CFDP1: variants seen among roughly 807,000 people sequenced by gnomAD.
CFDP1 encodes the protein chromatin remodeling protein CFDP1.
CFDP1 carries 31 observed loss-of-function variants against 40.1 expected under a neutral mutation model. The ratio of observed to expected loss-of-function variants is 0.77; its 90% CI spans 0.58 to 1.04. The LOEUF (loss-of-function observed/expected upper bound fraction) is 1.04. Among genes scored for constraint, CFDP1 ranks in the 50% least tolerant of loss-of-function variants. The probability of loss-of-function intolerance (pLI) is 0.00; values close to 1 mark genes in which losing one functional copy is unlikely to be tolerated. For missense variants in CFDP1, 423 were observed against 343.4 expected, an observed-to-expected ratio of 1.23 and a Z score of -1.83; for synonymous variants, 167 against 120.0, an observed-to-expected ratio of 1.39 and a Z score of -2.56.
intron 2 of CFDP1, among the ~76,000 whole-genome samples, chr16:75,413,403 T>C (rs1001671714): frequency 1.3e-5 from 2 of 151,862 alleles, no homozygotes; most frequent in Non-Finnish European, 2.9e-5. Flanking sequence ...CACAACAAGA[T>C]GAGAAAATTA....
chr16:75,380,824 G>A (rs994647457), intron 5 of CFDP1, among the ~76,000 whole-genome samples: 1 of 152,108 alleles, frequency 6.6e-6, no homozygotes, highest in African/African-American at 2.4e-5. Flanking sequence ...TTAAAACCAG[G>A]TCATATAAGA....
At chr16:75,389,374 C>T (rs569076018) in intron 5 of CFDP1, among the ~76,000 whole-genome samples, 1 of 152,318 alleles carries the variant, frequency 6.6e-6, no homozygotes, top group East Asian at 1.9e-4. Context: ...ATTCCTGCCT[C>T]TAATTAAAGT....
chr16:75,304,711 C>T (rs2078245763), intron 6 of CFDP1, among the ~76,000 whole-genome samples: 1 of 152,242 alleles, frequency 6.6e-6, no homozygotes, highest in African/African-American at 2.4e-5. Flanking sequence ...GCTGCTACCA[C>T]AGGCCAGATC....
intron 5 of CFDP1, among the ~76,000 whole-genome samples, chr16:75,378,088 G>A (rs2078817261): frequency 6.6e-6 from 1 of 152,146 alleles, no homozygotes; most frequent in African/African-American, 2.4e-5. Context: ...GGAATACCAT[G>A]TGCTTCCTTT....
At chr16:75,303,230 T>G (rs1483648863) in intron 6 of CFDP1, among the ~76,000 whole-genome samples, 2 of 149,616 alleles carry the variant, frequency 1.3e-5, no homozygotes, top group African/African-American at 4.9e-5. Flanking sequence ...GCTGGGCGTG[T>G]AGGCGCGCGC....
intron 5 of CFDP1, among the ~76,000 whole-genome samples, chr16:75,349,590 G>A (rs1203784427): frequency 2.2e-5 from 3 of 137,878 alleles, no homozygotes; most frequent in Non-Finnish European, 3.1e-5. Context: ...GGTTGAGAAT[G>A]CAGTGAGCTG....
At chr16:75,338,857 T>C (rs1430378048) in intron 5 of CFDP1, among the ~76,000 whole-genome samples, 1 of 152,216 alleles carries the variant, frequency 6.6e-6, no homozygotes, top group Non-Finnish European at 1.5e-5. Context: ...AATATGTTAC[T>C]TTATCATCCT....
intron 5 of CFDP1, among the ~76,000 whole-genome samples, chr16:75,373,693 A>G (rs1295982094): frequency 1.3e-5 from 2 of 152,136 alleles, no homozygotes; most frequent in Non-Finnish European, 2.9e-5. Context: ...GGGTCTCCCT[A>G]TGTTGCCCTG....
intron 1 of CFDP1, among the ~76,000 whole-genome samples, chr16:75,431,297 C>CA (rs1246421025): frequency 6.6e-6 from 1 of 151,332 alleles, no homozygotes; most frequent in Non-Finnish European, 1.5e-5. Context: ...ACTAAAAATA[C>CA]AAAAAAATCA....
chr16:75,307,996 T>C (rs1439305719), intron 5 of CFDP1, among the ~76,000 whole-genome samples: 1 of 152,336 alleles, frequency 6.6e-6, no homozygotes, highest in South Asian at 2.1e-4. Context: ...TGTGAACTCT[T>C]ATTTCAGCTG....
At chr16:75,424,584 T>G (rs2079314273) in intron 1 of CFDP1, among the ~76,000 whole-genome samples, 2 of 151,742 alleles carry the variant, frequency 1.3e-5, no homozygotes, top group East Asian at 3.9e-4. Context: ...TGAAACCCAG[T>G]CTCTACTAAA....
chr16:75,414,242 T>C (rs559985751), intron 2 of CFDP1, among the ~76,000 whole-genome samples: 2 of 152,170 alleles, frequency 1.3e-5, no homozygotes, highest in African/African-American at 4.8e-5. Context: ...TAGACATATA[T>C]GCATTTGCAT....
intron 5 of CFDP1, among the ~76,000 whole-genome samples, chr16:75,329,814 GTC>G (rs1350285361): frequency 6.6e-6 from 1 of 152,174 alleles, no homozygotes; most frequent in East Asian, 1.9e-4. Context: ...CACTCAAAAT[GTC>G]TTACATTCTT....
chr16:75,370,993 T>C (rs923680951), intron 5 of CFDP1, among the ~76,000 whole-genome samples: 1 of 152,232 alleles, frequency 6.6e-6, no homozygotes, highest in African/African-American at 2.4e-5. Context: ...ATTTATCAAA[T>C]ATGCCCTATA....
At chr16:75,396,883 C>T (rs1324224720) in intron 4 of CFDP1, among the ~76,000 whole-genome samples, 6 of 152,118 alleles carry the variant, frequency 3.9e-5, no homozygotes, top group African/African-American at 1.4e-4. Flanking sequence ...CTTTTGTAGT[C>T]CTCTGAGAAG....
chr16:75,312,870 T>G (rs1445145248), intron 5 of CFDP1, among the ~76,000 whole-genome samples: 1 of 152,204 alleles, frequency 6.6e-6, no homozygotes, highest in Non-Finnish European at 1.5e-5. Context: ...AGAGGTACTC[T>G]AAATGCACAG....
intron 5 of CFDP1, chr16:75,372,218 G>A (rs1026710529): frequency 6.6e-6 from 1 of 152,128 alleles, no homozygotes; most frequent in Non-Finnish European, 1.5e-5. Flanking sequence ...TATAAGAAGG[G>A]TTTTAATCTG....
At chr16:75,362,293 A>G (rs1251239979) in intron 5 of CFDP1, among the ~76,000 whole-genome samples, 2 of 152,178 alleles carry the variant, frequency 1.3e-5, no homozygotes, top group African/African-American at 4.8e-5. Flanking sequence ...TTGGGTAGAA[A>G]GGCGGGGCCC....
At chr16:75,363,942 A>AAAACACACAC (rs2078696205) in intron 5 of CFDP1, among the ~76,000 whole-genome samples, 1 of 142,830 alleles carries the variant, frequency 7.0e-6, no homozygotes, top group Non-Finnish European at 1.5e-5. Flanking sequence ...AAAGAGGTGA[A>AAAACACACAC]ACACACACAC....
Sources: allele counts gnomAD v4.1 joint callset (sites outside exome capture counted in the v4.1 genomes callset), GRCh38; gene constraint gnomAD v4.1.1; transcripts MANE v1.5; gene names NCBI Gene and HGNC (gene_info 2026-07-23, HGNC 2026-07-21).